Variants in SUSD4 observed in about 807,000 individuals in gnomAD.
The protein encoded by SUSD4 is sushi domain containing 4, also known as sushi domain-containing protein 4.
SUSD4 carries 41 observed loss-of-function variants against 50.5 expected under a neutral mutation model. The ratio of observed to expected loss-of-function variants is 0.81; its 90% CI spans 0.63 to 1.05. SUSD4 has a LOEUF of 1.05. Among genes scored for constraint, SUSD4 ranks in the 50% least tolerant of loss-of-function variants. SUSD4 has a pLI of 0.00. For missense variants in SUSD4, 580 were observed against 634.7 expected (o/e 0.91, Z 0.93); for synonymous variants, 257 against 257.3 (o/e 1.00, Z 0.01).
intron 3 of SUSD4, among the ~76,000 whole-genome samples, chr1:223,287,576 A>G (rs1217572907): frequency 6.6e-6 from 1 of 152,162 alleles, no homozygotes; most frequent in East Asian, 1.9e-4. Context: ...TAAGGACCTT[A>G]TGCTGGGATT....
At chr1:223,285,351 CCTT>C (rs1664069002) in intron 3 of SUSD4, among the ~76,000 whole-genome samples, 1 of 152,098 alleles carries the variant, frequency 6.6e-6, no homozygotes, top group Non-Finnish European at 1.5e-5. Flanking sequence ...CGACGTTCCT[CCTT>C]CTCCTTCAAC....
intron 5 of SUSD4, among the ~76,000 whole-genome samples, chr1:223,238,943 C>A (rs181991331): frequency 4.4e-4 from 67 of 152,112 alleles, no homozygotes; most frequent in African/African-American, 1.5e-3. Context: ...TAATCTCTAT[C>A]TATAATAGTG....
At chr1:223,317,771 T>G (rs1440043978) in intron 2 of SUSD4, among the ~76,000 whole-genome samples, 1 of 151,800 alleles carries the variant, frequency 6.6e-6, no homozygotes, top group Non-Finnish European at 1.5e-5. Context: ...GAAGCCCATT[T>G]GCTCCAGATT....
At chr1:223,279,518 GA>G (rs931074839) in intron 3 of SUSD4, among the ~76,000 whole-genome samples, 2 of 152,166 alleles carry the variant, frequency 1.3e-5, no homozygotes, top group East Asian at 3.8e-4. Context: ...GAGAAGTTTA[GA>G]AAAAGTTAGA....
intron 2 of SUSD4, among the ~76,000 whole-genome samples, chr1:223,301,699 G>C (rs1033632706): frequency 1.3e-5 from 2 of 152,136 alleles, no homozygotes; most frequent in African/African-American, 4.8e-5. Flanking sequence ...GCTGAGGAGG[G>C]AATCTTTCCG....
At chr1:223,288,926 G>A (rs1294922763) in intron 3 of SUSD4, among the ~76,000 whole-genome samples, 4 of 152,202 alleles carry the variant, frequency 2.6e-5, no homozygotes, top group African/African-American at 7.2e-5. Context: ...TCCTGAGGAC[G>A]TATGTGTTGA....
In SUSD4 at chr1:223,221,143, CCAG is replaced by C. The variant is rs1659117931; in HGVS notation, c.*1046_*1048del. On this transcript the variant is annotated 3_prime_UTR_variant, in exon 9 of 9. Transcript: ENST00000366878. ...TGGCTGAGCTATCTGGGCTGGGAGG[CCAG>C]CCTCCTGGAATCTTAGGACAAATAA... 2.5e-6 allele frequency: 1 copy of C among 400,692 alleles called. No homozygotes were observed. Among genetic ancestry groups the C allele is most frequent in the Admixed American group, 4.4e-5 (1 of 22,724 alleles). 24.8% of individuals were successfully genotyped at this position (400,692 alleles called of 1,614,324 possible).
chr1:223,273,612 T>C lies in SUSD4; in HGVS notation c.362-4937A>G, dbSNP rs755745542. On this transcript the variant is annotated intron_variant, in intron 3 of 8. Coordinates refer to ENST00000366878, the MANE Select transcript of SUSD4 (RefSeq NM_017982.4). ...AACATGTGATTTAAGCTTTGGGTCA[T>C]GGGCCATGCAGTATCGGGTCAACTT... Among the ~76,000 whole-genome samples, 9 of 152,352 alleles carry C rather than the reference T, an allele frequency of 5.9e-5. No individual in the cohort carries two copies. The South Asian group carries it at 6.2e-4, about 11-fold the overall frequency.
rs762177922 is a variant in SUSD4, at chr1:223,223,604, G to A, written c.1089C>T (p.Asp363=). Residue 363 remains aspartate (D), a synonymous_variant, in exon 8 of 9, where the codon GAC becomes GAT. Transcript: ENST00000366878. The stretch of plus-strand genomic sequence containing the variant: ...CGCCGTCTACCACCACAAAGTCAGG[G>A]TCACTGCTGGAACTCCGGGGAGGCC... ...PRGPPRSSSS[D]PDFVVVDGVP... The A allele has an allele frequency of 2.4e-5, 38 of 1,610,584 alleles. No individual in the cohort carries two copies. Among genetic ancestry groups the A allele is most frequent in the Non-Finnish European group, 2.9e-5 (34 of 1,178,006 alleles).
rs530979330 is a variant in SUSD4, at chr1:223,283,055, C to T, written c.361+9384G>A. On this transcript the variant is annotated intron_variant, in intron 3 of 8. Transcript: ENST00000366878. The stretch of plus-strand genomic sequence containing the variant: ...TAGCCATATGTAGAAAGCTTCCTTC[C>T]TTACACCTTATATGAAAATTAAATT... Among the ~76,000 whole-genome samples, 5 of 151,640 alleles carry T rather than the reference C, an allele frequency of 3.3e-5. No individual in the cohort carries two copies. In the South Asian group the frequency reaches 1.0e-3, roughly 32 times the overall value.
At chr1:223,343,438 A>G (rs1335386818) in intron 2 of SUSD4, among the ~76,000 whole-genome samples, 1 of 152,218 alleles carries the variant, frequency 6.6e-6, no homozygotes, top group African/African-American at 2.4e-5. Context: ...TGACCAGTGC[A>G]TGTGCAGCAC....
At chr1:223,350,012 C>A (rs965306270) in intron 2 of SUSD4, among the ~76,000 whole-genome samples, 2 of 152,158 alleles carry the variant, frequency 1.3e-5, no homozygotes, top group Admixed American at 1.3e-4. Context: ...CCGTCCCCAC[C>A]CCTGCACCCA....
At chr1:223,292,353 T>C in intron 3 of SUSD4, 86 bp downstream of exon 3, 1 of 1,417,048 alleles carries the variant, frequency 7.1e-7, no homozygotes, top group Non-Finnish European at 9.9e-7. Context: ...GAGCCCAGGG[T>C]ATTGAGCTGT....
chr1:223,278,993 T>C (rs564280493), intron 3 of SUSD4, among the ~76,000 whole-genome samples: 3 of 152,314 alleles, frequency 2.0e-5, no homozygotes, highest in African/African-American at 7.2e-5. Flanking sequence ...CCAACAGACC[T>C]GTAGCTGTTA....
intron 7 of SUSD4, among the ~76,000 whole-genome samples, chr1:223,225,743 T>A (rs1659476017): frequency 6.6e-6 from 1 of 152,088 alleles, no homozygotes; most frequent in Non-Finnish European, 1.5e-5. Flanking sequence ...TCTCCATTTC[T>A]CACCCTAACA....
chr1:223,338,437 G>A (rs528942558), intron 2 of SUSD4, among the ~76,000 whole-genome samples: 3 of 152,310 alleles, frequency 2.0e-5, no homozygotes, highest in South Asian at 2.1e-4. Flanking sequence ...GGCAGGGTGC[G>A]TGTCACAGAG....
intron 2 of SUSD4, among the ~76,000 whole-genome samples, chr1:223,333,246 T>C (rs899770534): frequency 2.0e-5 from 3 of 152,090 alleles, no homozygotes; most frequent in Admixed American, 6.5e-5. Context: ...TGCATTTCAA[T>C]CCACACTCCA....
chr1:223,294,882 A>G (rs1664725344), intron 2 of SUSD4, among the ~76,000 whole-genome samples: 1 of 152,086 alleles, frequency 6.6e-6, no homozygotes, highest in African/African-American at 2.4e-5. Context: ...AATTTGGGGG[A>G]AAGTATTCTA....
At chr1:223,304,373 C>G (rs1354961011) in intron 2 of SUSD4, among the ~76,000 whole-genome samples, 2 of 152,120 alleles carry the variant, frequency 1.3e-5, no homozygotes, top group African/African-American at 2.4e-5. Context: ...AGCATTTCAT[C>G]TTTTATTCTG....
Sources: allele counts gnomAD v4.1 joint callset (sites outside exome capture counted in the v4.1 genomes callset), GRCh38; gene constraint gnomAD v4.1.1; transcripts MANE v1.5; gene names NCBI Gene and HGNC (gene_info 2026-07-23, HGNC 2026-07-21).